Variants in OSBPL5 observed in about 807,000 individuals in gnomAD.
OSBPL5 encodes the protein oxysterol binding protein like 5, also known as oxysterol-binding protein-related protein 5.
In OSBPL5, 71 loss-of-function variants were observed where a neutral mutation model predicts 111.2. The observed-to-expected ratio is 0.64, with a 90% CI of 0.53 to 0.78. OSBPL5 has a LOEUF of 0.78. Ranked by LOEUF, OSBPL5 falls within the 30% of genes least tolerant of loss-of-function variation. The pLI, the probability that OSBPL5 is intolerant of heterozygous loss-of-function variation, is 0.00. For synonymous variants in OSBPL5, 549 were observed against 513.9 expected (o/e 1.07, Z -0.93); for missense variants, 1,210 against 1,189.3 (o/e 1.02, Z -0.26).
intron 2 of OSBPL5, among the ~76,000 whole-genome samples, 162 bp downstream of exon 2, chr11:3,128,851 C>T (rs991645713): frequency 1.1e-4 from 17 of 152,288 alleles, no homozygotes; most frequent in South Asian, 8.3e-4. Context: ...GCCGTATTAC[C>T]TGGCACTCTA....
rs1268698488 is a variant in OSBPL5 at position 3,136,691 on chromosome 11, G to A, written c.-21-7522C>T. On this transcript the variant is annotated intron_variant, in intron 1 of 21. Coordinates refer to ENST00000263650, the MANE Select transcript of OSBPL5 (RefSeq NM_020896.4). ...AGGCCCACAGGAGGCCCTGGGGAAG[G>A]CGCCTGCAGAGGTGAGTGTGAGCCC... Among the ~76,000 whole-genome samples, 3 of 152,182 alleles carry A rather than the reference G, an allele frequency of 2.0e-5. No individual in the cohort carries two copies. The South Asian group carries it at 6.2e-4, about 32-fold the overall frequency.
At chr11:3,155,885 A>T (rs1008113959) in intron 1 of OSBPL5, among the ~76,000 whole-genome samples, 1 of 152,252 alleles carries the variant, frequency 6.6e-6, no homozygotes, top group Admixed American at 6.5e-5. Context: ...GGCTGTGAGC[A>T]GACCTGCAGA....
In OSBPL5 at chr11:3,109,615, C is replaced by T. The variant is rs1857840490; in HGVS notation, c.692-1670G>A. On this transcript the variant is annotated intron_variant, in intron 7 of 21. Transcript: ENST00000263650. The surrounding 1 kb of genome is among the most constrained non-coding windows in gnomAD (Gnocchi z 7.4). ...AGTGGCTCCTGGGTCTCTAGAGCTG[C>T]CCTTCTCATTGGGTTGGGGGGATAT... is the stretch of plus-strand genomic sequence containing the variant. Among the ~76,000 whole-genome samples, 1 of 151,878 alleles carries T rather than the reference C, an allele frequency of 6.6e-6. No individual in the cohort carries two copies. The highest frequency in any genetic ancestry group is 6.6e-5 in the Admixed American group (1 of 15,254).
intron 1 of OSBPL5, among the ~76,000 whole-genome samples, chr11:3,147,517 G>A (rs1846396885): frequency 6.6e-6 from 1 of 152,260 alleles, no homozygotes; most frequent in Admixed American, 6.5e-5. Flanking sequence ...TGCAGGCCCA[G>A]CTGGGACGGA....
rs111640193 is a variant in OSBPL5 at position 3,154,910 on chromosome 11, T to TATAATAATAATA, written c.-22+10294_-22+10305dup. On this transcript the variant is annotated intron_variant, in intron 1 of 21. Transcript: ENST00000263650. This position sits in a 1 kb window ranked among gnomAD's most constrained non-coding sequence, Gnocchi z 4.9. ...TGCACATGTACCCTAGAACTTAAAG[T>TATAATAATAATA]ATAATAATAATAATAATAATAAAAA... Among the ~76,000 whole-genome samples, 42 of 150,974 alleles carry TATAATAATAATA rather than the reference T, an allele frequency of 2.8e-4. No individual in the cohort carries two copies. Among genetic ancestry groups the TATAATAATAATA allele is most frequent in the East Asian group, 1.2e-3 (6 of 5,126 alleles).
chr11:3,118,630 G>A (rs111297662), intron 7 of OSBPL5, among the ~76,000 whole-genome samples: 1 of 148,784 alleles, frequency 6.7e-6, no homozygotes, highest in Admixed American at 6.7e-5. Context: ...GGAGTGCAGT[G>A]GTGTGATCTT....
intron 1 of OSBPL5, among the ~76,000 whole-genome samples, chr11:3,155,208 G>A (rs957398851): frequency 1.3e-5 from 2 of 152,196 alleles, no homozygotes; most frequent in African/African-American, 4.8e-5. Context: ...CTCACACACC[G>A]GCCCAGGAGG....
intron 1 of OSBPL5, among the ~76,000 whole-genome samples, chr11:3,133,408 C>T (rs770707153): frequency 2.0e-5 from 3 of 152,236 alleles, no homozygotes; most frequent in East Asian, 1.9e-4. Context: ...GGCCTGTTAT[C>T]GCCACTGCCC....
intron 6 of OSBPL5, 159 bp from the exon 7 acceptor site, chr11:3,119,790 C>G: frequency 1.7e-6 from 1 of 594,594 alleles, no homozygotes; most frequent in Non-Finnish European, 2.8e-6. Flanking sequence ...CAGGTAGACA[C>G]TTGGCTGCAG....
chr11:3,107,494 T>C lies in OSBPL5; in HGVS notation c.867-39A>G, dbSNP rs987001075. ...GGTGCCAGTGGGTCCCTGTCACAGG[T>C]GAGAGCCCAGCACAGCCCTCTGGGC... On this transcript the variant is annotated intron_variant, in intron 8 of 21. Coordinates refer to ENST00000263650, the MANE Select transcript of OSBPL5 (RefSeq NM_020896.4). The surrounding 1 kb of genome is among the most constrained non-coding windows in gnomAD (Gnocchi z 6.1). The C allele has an allele frequency of 6.2e-7, 1 of 1,607,508 alleles. No individual in the cohort carries two copies. Among genetic ancestry groups the C allele is most frequent in the African/African-American group, 1.3e-5 (1 of 74,728 alleles).
At position 3,088,067 on chromosome 11, in the gene OSBPL5, G is replaced by A. The variant is rs935431; in HGVS notation, c.*138C>T. 0.11 allele frequency: 86,170 copies of A among 804,802 alleles called. 5,417 individuals are homozygous for A. The highest frequency in any genetic ancestry group is 0.16 in the Admixed American group (4,438 of 27,360). 49.9% of individuals were successfully genotyped at this position (804,802 alleles called of 1,614,324 possible). ...TGGGCCCGCAGCGCCTTGTGGCCCC[G>A]GGTCCCTCCTGCGCCTGGACTCCCC... On this transcript the variant is annotated 3_prime_UTR_variant, in exon 22 of 22. Coordinates refer to ENST00000263650, the MANE Select transcript of OSBPL5 (RefSeq NM_020896.4).
Position 3,103,400 on chromosome 11 carries a change from C to G in OSBPL5, c.1245-80G>C, listed in dbSNP as rs1453688812. 22 of 1,296,062 alleles carry G rather than the reference C, an allele frequency of 1.7e-5. No homozygotes were observed. In the East Asian group the frequency reaches 2.3e-4, roughly 14 times the overall value. 80.3% of individuals were successfully genotyped at this position (1,296,062 alleles called of 1,614,324 possible). ...CCCTTTCCCTGACCCTTCCCTCCTACCATCCCGACCTCCAACCACTCAGCT... is the reference window on the plus strand; with the variant it reads ...CCCTTTCCCTGACCCTTCCCTCCTAGCATCCCGACCTCCAACCACTCAGCT... On this transcript the variant is annotated intron_variant, in intron 10 of 21. Coordinates refer to ENST00000263650, the MANE Select transcript of OSBPL5 (RefSeq NM_020896.4).
At chr11:3,164,490 C>T (rs1273778399) in intron 1 of OSBPL5, 1 of 152,662 alleles carries the variant, frequency 6.6e-6, no homozygotes, top group Non-Finnish European at 1.5e-5. Context: ...GCTGCAGACT[C>T]CAGCCTCCTT....
chr11:3,163,615 C>G (rs1847029494), intron 1 of OSBPL5, among the ~76,000 whole-genome samples: 1 of 152,198 alleles, frequency 6.6e-6, no homozygotes, highest in South Asian at 2.1e-4. Context: ...CCAATCTGGA[C>G]CCAGAAAGGA....
In OSBPL5 at chr11:3,162,923, A is replaced by G. The variant is rs1396428913; in HGVS notation, c.-22+2293T>C. The stretch of plus-strand genomic sequence containing the variant: ...CATCTACCCCCCAGCACACTGGTGC[A>G]CTCCCTGGGCTCCCCTGCCAACCCT... On this transcript the variant is annotated intron_variant, in intron 1 of 21. Coordinates refer to ENST00000263650, the MANE Select transcript of OSBPL5 (RefSeq NM_020896.4). This position sits in a 1 kb window ranked among gnomAD's most constrained non-coding sequence, Gnocchi z 8.1. 6.6e-6 allele frequency among the ~76,000 whole-genome samples: 1 copy of G among 150,554 alleles called. No homozygotes were observed. Among genetic ancestry groups the G allele is most frequent in the African/African-American group, 2.5e-5 (1 of 40,766 alleles).
At chr11:3,102,130 C>A in intron 12 of OSBPL5, 53 bp downstream of exon 12, 1 of 1,534,188 alleles carries the variant, frequency 6.5e-7, no homozygotes, top group Non-Finnish European at 8.8e-7. Flanking sequence ...CCCCACAGAG[C>A]CCCGCCCCAT....
Position 3,092,569 on chromosome 11 carries a change from CAG to C in OSBPL5, c.2133-13_2133-12del. On this transcript the variant is annotated splice_polypyrimidine_tract_variant and intron_variant, in intron 18 of 21. Transcript: ENST00000263650. This position sits in a 1 kb window ranked among gnomAD's most constrained non-coding sequence, Gnocchi z 5.4. ...TCCCAGGGGCTGTGGCTGGAGGGTC[CAG>C]AGGGCGTTCATCAGCACAGGCAGTG... The C allele has an allele frequency of 6.3e-7, 1 of 1,578,288 alleles. No homozygotes were observed.
rs977395221 is a variant in OSBPL5, at chr11:3,094,114, C to T, written c.1719+123G>A. ...TGTCTGTGTTCCGGGATGTCAACAG[C>T]TGCTCCCCTTATGTGCACTGCCTTG... On this transcript the variant is annotated intron_variant, in intron 15 of 21. Coordinates refer to ENST00000263650, the MANE Select transcript of OSBPL5 (RefSeq NM_020896.4). 6 of 940,090 alleles carry T rather than the reference C, an allele frequency of 6.4e-6. No individual in the cohort carries two copies. The African/African-American group carries it at 8.2e-5, about 13-fold the overall frequency. 58.2% of individuals were successfully genotyped at this position (940,090 alleles called of 1,614,324 possible).
At chr11:3,152,482 G>T (rs181788507) in intron 1 of OSBPL5, among the ~76,000 whole-genome samples, 1 of 152,128 alleles carries the variant, frequency 6.6e-6, no homozygotes, top group Non-Finnish European at 1.5e-5. Context: ...ACAGGAGAAG[G>T]CTCCTGTGTT....
Sources: allele counts gnomAD v4.1 joint callset (sites outside exome capture counted in the v4.1 genomes callset), GRCh38; gene constraint gnomAD v4.1.1; non-coding constraint Gnocchi (gnomAD v3.1); transcripts MANE v1.5; gene names NCBI Gene and HGNC (gene_info 2026-07-23, HGNC 2026-07-21).